The following NUDT3 variants were observed in gnomAD, a reference collection of about 807,000 sequenced individuals.
The protein encoded by NUDT3 is diphosphoinositol polyphosphate phosphohydrolase 1.
In NUDT3, 9 loss-of-function variants were observed where a neutral mutation model predicts 23.6. The ratio of observed to expected loss-of-function variants is 0.38; its 90% CI spans 0.23 to 0.66. NUDT3 has a LOEUF of 0.66. Ranked by LOEUF, NUDT3 falls within the 30% of genes least tolerant of loss-of-function variation. The probability of loss-of-function intolerance (pLI) is 0.52; values close to 1 mark genes in which losing one functional copy is unlikely to be tolerated. For synonymous variants in NUDT3, 86 were observed against 82.6 expected, an observed-to-expected ratio of 1.04 and a Z score of -0.22; for missense variants, 172 against 218.5, an observed-to-expected ratio of 0.79 and a Z score of 1.34.
At chr6:34,354,735 G>GTATATATATATATATATATATATA (rs142735114) in intron 1 of NUDT3, among the ~76,000 whole-genome samples, 2 of 120,692 alleles carry the variant, frequency 1.7e-5, no homozygotes, top group African/African-American at 5.8e-5. Context: ...GGGGGAAAAA[G>GTATATATATATATATATATATATA]TATATATATA....
intron 1 of NUDT3, among the ~76,000 whole-genome samples, chr6:34,354,391 T>C (rs1358683409): frequency 1.8e-5 from 2 of 109,130 alleles, no homozygotes; most frequent in Non-Finnish European, 3.7e-5. Flanking sequence ...TGAGATTTCA[T>C]TAAACACACA....
In NUDT3 at chr6:34,337,294, C is replaced by T. The variant is rs371640255; in HGVS notation, c.210+4568G>A. On this transcript the variant is annotated intron_variant, in intron 2 of 4. Coordinates refer to ENST00000607016, the MANE Select transcript of NUDT3 (RefSeq NM_006703.4). ...AGGAAGGATTCTTTAAGGCTGAGAA[C>T]GGCAGGCAGAGCATGCCTGCAGTCA... 3.3e-5 allele frequency among the ~76,000 whole-genome samples: 5 copies of T among 152,144 alleles called. No individual in the cohort carries two copies. In the East Asian group the frequency reaches 7.7e-4, roughly 23 times the overall value.
intron 2 of NUDT3, among the ~76,000 whole-genome samples, chr6:34,314,097 C>CA (rs994487327): frequency 1.1e-3 from 144 of 134,762 alleles, no homozygotes; most frequent in Middle Eastern, 4.0e-3. Flanking sequence ...AACTCCGTCT[C>CA]AAAAAAAAAA....
intron 2 of NUDT3, among the ~76,000 whole-genome samples, chr6:34,311,800 A>G (rs1034699097): frequency 2.0e-5 from 3 of 152,264 alleles, no homozygotes; most frequent in African/African-American, 7.2e-5. Context: ...ACAAAGGAAT[A>G]AGAACGATAC....
chr6:34,307,041 T>C (rs1763691883), intron 2 of NUDT3, among the ~76,000 whole-genome samples: 1 of 152,216 alleles, frequency 6.6e-6, no homozygotes, highest in Non-Finnish European at 1.5e-5. Flanking sequence ...AAAAGCAAGA[T>C]ACTCCTGTGC....
At chr6:34,351,572 ACT>A (rs1473864925) in intron 1 of NUDT3, among the ~76,000 whole-genome samples, 1 of 148,898 alleles carries the variant, frequency 6.7e-6, no homozygotes, top group Non-Finnish European at 1.5e-5. Flanking sequence ...TGAAACCCTG[ACT>A]CTACTAAAAA....
intron 2 of NUDT3, among the ~76,000 whole-genome samples, chr6:34,306,265 G>A (rs898665407): frequency 6.6e-6 from 1 of 152,138 alleles, no homozygotes; most frequent in African/African-American, 2.4e-5. Flanking sequence ...TACTGTCTTG[G>A]CAGTCCTTAC....
chr6:34,295,596 G>A, intron 3 of NUDT3, 45 bp downstream of exon 3: 3 of 1,598,304 alleles, frequency 1.9e-6, no homozygotes, highest in Non-Finnish European at 2.6e-6. Flanking sequence ...TATCTGTGTG[G>A]TTATTAATAC....
chr6:34,309,811 C>G (rs1763743833), intron 2 of NUDT3, among the ~76,000 whole-genome samples: 1 of 152,112 alleles, frequency 6.6e-6, no homozygotes. Flanking sequence ...AAACTATGAA[C>G]AACCCTGTGC....
chr6:34,341,781 G>T, intron 2 of NUDT3, 81 bp downstream of exon 2: 1 of 1,257,798 alleles, frequency 8.0e-7, no homozygotes. Flanking sequence ...TTCAGTGAGT[G>T]CTGACATATT....
intron 2 of NUDT3, among the ~76,000 whole-genome samples, chr6:34,315,036 C>A (rs1412310022): frequency 6.6e-6 from 1 of 152,154 alleles, no homozygotes; most frequent in Non-Finnish European, 1.5e-5. Context: ...ACACCTTCTG[C>A]AGGGGAGATA....
intron 2 of NUDT3, among the ~76,000 whole-genome samples, chr6:34,297,730 A>ATATAT (rs1186809983): frequency 5.6e-5 from 4 of 72,006 alleles, no homozygotes; most frequent in Non-Finnish European, 9.1e-5. Flanking sequence ...AAAAAAAAAA[A>ATATAT]ATATATATAT....
At chr6:34,297,720 A>T (rs1428603125) in intron 2 of NUDT3, among the ~76,000 whole-genome samples, 1 of 43,804 alleles carries the variant, frequency 2.3e-5, no homozygotes, top group Non-Finnish European at 4.0e-5. Flanking sequence ...GGCTAATGTA[A>T]AAAAAAAAAA....
At chr6:34,387,235 T>TTCTC (rs3042012) in intron 1 of NUDT3, among the ~76,000 whole-genome samples, 138,820 of 152,052 alleles carry the variant, frequency 0.91, 63,525 homozygotes, top group African/African-American at 0.97. Flanking sequence ...GTAGAGTGTA[T>TTCTC]TCTATTTTTT....
Position 34,288,209 on chromosome 6 carries a change from A to C in NUDT3, c.*544T>G, listed in dbSNP as rs557731728. On this transcript the variant is annotated 3_prime_UTR_variant, in exon 5 of 5. Coordinates refer to ENST00000607016, the MANE Select transcript of NUDT3 (RefSeq NM_006703.4). ...AAAGAGAAAAAAACCTTGAAAAATT[A>C]AACAAATTTCTCTTTCTAGAAGTCA... is the stretch of plus-strand genomic sequence containing the variant. 5 of 152,280 alleles carry C rather than the reference A, an allele frequency of 3.3e-5. No homozygotes were observed. The highest frequency in any genetic ancestry group is 1.9e-4 in the East Asian group (1 of 5,188). The allele number at this position is 152,280 out of a possible 1,614,324, so 9.4% of individuals were successfully genotyped here.
chr6:34,341,623 TG>T (rs996324732), intron 2 of NUDT3, among the ~76,000 whole-genome samples: 24 of 152,282 alleles, frequency 1.6e-4, no homozygotes, highest in African/African-American at 5.3e-4. Context: ...AAGAAATCCA[TG>T]GGAAGTAACA....
At chr6:34,327,556 C>CA (rs1554151767) in intron 2 of NUDT3, among the ~76,000 whole-genome samples, 1 of 150,638 alleles carries the variant, frequency 6.6e-6, no homozygotes, top group Non-Finnish European at 1.5e-5. Flanking sequence ...AAAGAAAGAT[C>CA]AAAGATTTTA....
In NUDT3 at chr6:34,286,810, G is replaced by A. The variant is rs541268265; in HGVS notation, c.*1943C>T. The stretch of plus-strand genomic sequence containing the variant: ...AAAAATTTTTTTTTTTTTTTTTTGA[G>A]ATGGAGTTTCACTCTTATCACCCAG... On this transcript the variant is annotated 3_prime_UTR_variant, in exon 5 of 5. Transcript: ENST00000607016. 1.4e-4 allele frequency: 16 copies of A among 118,488 alleles called. No individual in the cohort carries two copies. In the East Asian group the frequency reaches 2.0e-3, roughly 15 times the overall value. The allele number at this position is 118,488 out of a possible 1,614,324, so 7.3% of individuals were successfully genotyped here.
chr6:34,379,804 C>A (rs1486271809), intron 1 of NUDT3, among the ~76,000 whole-genome samples: 1 of 151,784 alleles, frequency 6.6e-6, no homozygotes, highest in African/African-American at 2.4e-5. Flanking sequence ...CCCTTGAGGT[C>A]AGGAGTTCGA....
Sources: allele counts gnomAD v4.1 joint callset (sites outside exome capture counted in the v4.1 genomes callset), GRCh38; gene constraint gnomAD v4.1.1; transcripts MANE v1.5; gene names NCBI Gene and HGNC (gene_info 2026-07-23, HGNC 2026-07-21).